The following FREM1 variants were observed in gnomAD, a reference collection of about 807,000 sequenced individuals.
FREM1 encodes FRAS1 related extracellular matrix 1, also known as FRAS1-related extracellular matrix protein 1.
Under a neutral mutation model 210.1 loss-of-function variants are expected in FREM1, and 220 were observed. That is an observed-to-expected ratio of 1.05 (90% confidence interval 0.94 to 1.17). FREM1 has a LOEUF of 1.17. Ranked by LOEUF, FREM1 falls within the 50% of genes most tolerant of loss-of-function variation. The pLI, the probability that FREM1 is intolerant of heterozygous loss-of-function variation, is 0.00. For missense variants in FREM1, 3,454 were observed against 2,675.5 expected (o/e 1.29, Z -6.42); for synonymous variants, 1,189 against 980.2 (o/e 1.21, Z -3.98).
intron 19 of FREM1, among the ~76,000 whole-genome samples, chr9:14,804,305 G>T (rs1232570052): frequency 6.6e-6 from 1 of 152,176 alleles, no homozygotes; most frequent in Non-Finnish European, 1.5e-5. Context: ...GACAACTTTG[G>T]CTGGGTGCGG....
intron 2 of FREM1, among the ~76,000 whole-genome samples, chr9:14,866,540 G>C (rs907293726): frequency 6.6e-6 from 1 of 152,164 alleles, no homozygotes; most frequent in Non-Finnish European, 1.5e-5. Context: ...GTCATCTGCA[G>C]GGCTTTTGTT....
chr9:14,892,894 G>T lies in FREM1; in HGVS notation c.-268+17020C>A, dbSNP rs138416794. Among the ~76,000 whole-genome samples the T allele has an allele frequency of 7.3e-3, 1,118 of 152,216 alleles. 16 individuals carry two copies. The highest frequency in any genetic ancestry group is 0.024 in the African/African-American group (1,006 of 41,526). On this transcript the variant is annotated intron_variant, in intron 1 of 36. Coordinates refer to ENST00000380880, the MANE Select transcript of FREM1 (RefSeq NM_001379081.2). The stretch of plus-strand genomic sequence containing the variant: ...TTACTCAGGGTGACCATCTTGCCCA[G>T]AGACCACGAGTTGAAATTCCTGGTC...
Position 14,851,305 on chromosome 9 carries a change from A to G in FREM1, c.1131T>C (p.His377=), listed in dbSNP as rs1360055303. ...TTACCTCATCATGTCTCCTCTCAGA[A>G]TGGCTGCTGTTTGGTGGCTGATAGG... is the stretch of plus-strand genomic sequence containing the variant. The part of the protein sequence containing the change: ...QIAYQPPNSS[H]SERRHDEVEL... Residue 377 remains histidine (H), a synonymous_variant, in exon 6 of 37, where the codon CAT becomes CAC. Coordinates refer to ENST00000380880, the MANE Select transcript of FREM1 (RefSeq NM_001379081.2). The G allele has an allele frequency of 6.3e-7, 1 of 1,596,704 alleles. No individual in the cohort carries two copies. The highest frequency in any genetic ancestry group is 1.1e-5 in the South Asian group (1 of 87,800).
chr9:14,844,468 G>T (rs1444964236), intron 8 of FREM1, among the ~76,000 whole-genome samples: 1 of 152,058 alleles, frequency 6.6e-6, no homozygotes, highest in Non-Finnish European at 1.5e-5. Flanking sequence ...CAAGTGATCT[G>T]CCGGTCTCGG....
rs745565150 is a variant in FREM1 at position 14,823,165 on chromosome 9, G to A, written c.2332C>T (p.Pro778Ser). 11 of 1,612,684 alleles carry A rather than the reference G, an allele frequency of 6.8e-6. No individual in the cohort carries two copies. In the African/African-American group the frequency reaches 1.2e-4, roughly 18 times the overall value. Reference sequence around the variant, plus strand: ...ATATAGAACATTGTACATACCTCAGGAACTTGATTGTCCACTGGGAGGATT... The same window carrying A: ...ATATAGAACATTGTACATACCTCAGAAACTTGATTGTCCACTGGGAGGATT... ...ITILPVDNQV[P>S]EAFTNPLKVT... The change falls in exon 13 of 37, where the codon CCT becomes TCT. Residue 778 changes from proline (P) to serine (S), a missense_variant. By Grantham distance (74) the Pro-to-Ser change is moderately conservative. Coordinates refer to ENST00000380880, the MANE Select transcript of FREM1 (RefSeq NM_001379081.2).
At chr9:14,882,201 A>G (rs1164502117) in intron 1 of FREM1, among the ~76,000 whole-genome samples, 2 of 152,160 alleles carry the variant, frequency 1.3e-5, no homozygotes, top group African/African-American at 4.8e-5. Flanking sequence ...TTGTTTAGTC[A>G]CTAATCAGCT....
In FREM1 at chr9:14,885,664, C is replaced by T. The variant is rs1264891237; in HGVS notation, c.-267-16420G>A. 1.3e-5 allele frequency among the ~76,000 whole-genome samples: 2 copies of T among 152,152 alleles called. 1 individual carries two copies. The highest frequency in any genetic ancestry group is 1.3e-4 in the Admixed American group (2 of 15,280). ...CTTGAACTCCTGGTCTCAAGCTATT[C>T]TTCCATCTTAGCCTCCCAAAGTTCT... On this transcript the variant is annotated intron_variant, in intron 1 of 36. Transcript: ENST00000380880.
chr9:14,904,129 A>C (rs991536059), intron 1 of FREM1, among the ~76,000 whole-genome samples: 5 of 151,668 alleles, frequency 3.3e-5, no homozygotes, highest in African/African-American at 9.7e-5. Context: ...AAAAAAAAAA[A>C]AAAAAAAACA....
intron 5 of FREM1, among the ~76,000 whole-genome samples, chr9:14,854,040 G>A (rs193031658): frequency 2.0e-5 from 3 of 152,292 alleles, no homozygotes. Context: ...CAAAGCAATT[G>A]CCAGGAGAAA....
rs140288897 is a variant in FREM1, at chr9:14,802,770, T to C, written c.3472-896A>G. ...ATATTGGTAATCTGCAATGTTACTATGCTACATAGTATTCTCAACAACCCA... is the reference window on the plus strand; with the variant it reads ...ATATTGGTAATCTGCAATGTTACTACGCTACATAGTATTCTCAACAACCCA... On this transcript the variant is annotated intron_variant, in intron 19 of 36. Transcript: ENST00000380880. Among the ~76,000 whole-genome samples the C allele has an allele frequency of 1.1e-3, 165 of 152,330 alleles. 3 individuals are homozygous for C. In the East Asian group the frequency reaches 0.029, roughly 27 times the overall value.
At chr9:14,780,706 G>A (rs79362928) in intron 24 of FREM1, among the ~76,000 whole-genome samples, 2,788 of 152,206 alleles carry the variant, frequency 0.018, 92 homozygotes, top group African/African-American at 0.064. Flanking sequence ...AAAATGGAAG[G>A]GGGAAAATCC....
At chr9:14,812,665 G>T in intron 16 of FREM1, 147 bp downstream of exon 16, 1 of 749,062 alleles carries the variant, frequency 1.3e-6, no homozygotes, top group South Asian at 2.2e-5. Flanking sequence ...TGGTGATCAT[G>T]CTGGAAAAAT....
intron 25 of FREM1, among the ~76,000 whole-genome samples, chr9:14,771,674 T>A (rs1270506836): frequency 6.6e-6 from 1 of 152,214 alleles, no homozygotes; most frequent in Non-Finnish European, 1.5e-5. Flanking sequence ...ATCTCTCGGT[T>A]CTTAATTTCA....
chr9:14,855,409 T>C (rs1176667925), intron 5 of FREM1, among the ~76,000 whole-genome samples: 5 of 152,122 alleles, frequency 3.3e-5, no homozygotes, highest in African/African-American at 1.2e-4. Context: ...AAGGCAAATG[T>C]AAGGAAGAAG....
intron 1 of FREM1, among the ~76,000 whole-genome samples, chr9:14,876,694 GC>G (rs1461308843): frequency 1.3e-5 from 2 of 152,080 alleles, no homozygotes; most frequent in African/African-American, 4.8e-5. Context: ...ACTGTCCTGC[GC>G]CCACTGTCTG....
At chr9:14,903,457 C>A (rs1425588909) in intron 1 of FREM1, among the ~76,000 whole-genome samples, 1 of 152,078 alleles carries the variant, frequency 6.6e-6, no homozygotes, top group Non-Finnish European at 1.5e-5. Context: ...TTAAAAGGGG[C>A]TATTTTATAT....
At chr9:14,769,925 C>T in intron 26 of FREM1, 57 bp from the exon 27 acceptor site, 1 of 883,266 alleles carries the variant, frequency 1.1e-6, no homozygotes. Flanking sequence ...TAAATAAAAG[C>T]TAATAAAATT....
At chr9:14,794,276 G>T (rs1161185622) in intron 21 of FREM1, among the ~76,000 whole-genome samples, 1 of 151,818 alleles carries the variant, frequency 6.6e-6, no homozygotes, top group African/African-American at 2.4e-5. Context: ...ACTGCTATGG[G>T]GAATTGGGGC....
Position 14,770,593 on chromosome 9 carries a change from G to A in FREM1, c.5059+12C>T, listed in dbSNP as rs759624524. 2.5e-6 allele frequency: 4 copies of A among 1,599,822 alleles called. No individual in the cohort carries two copies. In the Admixed American group the frequency reaches 6.7e-5, roughly 27 times the overall value. ...TTAAAATGGCAATTGTAAGGATTAAGGAGGCCAGTACCTGTTGTTGTGTTC... is the reference window on the plus strand; with the variant it reads ...TTAAAATGGCAATTGTAAGGATTAAAGAGGCCAGTACCTGTTGTTGTGTTC... On this transcript the variant is annotated intron_variant, in intron 26 of 36. Coordinates refer to ENST00000380880, the MANE Select transcript of FREM1 (RefSeq NM_001379081.2).
Sources: allele counts gnomAD v4.1 joint callset (sites outside exome capture counted in the v4.1 genomes callset), GRCh38; gene constraint gnomAD v4.1.1; transcripts MANE v1.5; gene names NCBI Gene and HGNC (gene_info 2026-07-23, HGNC 2026-07-21).